GALNTL6: variants seen among roughly 807,000 people sequenced by gnomAD.
The protein encoded by GALNTL6 is polypeptide N-acetylgalactosaminyltransferase-like 6.
GALNTL6 carries 46 observed loss-of-function variants against 73.7 expected under a neutral mutation model. That is an observed-to-expected ratio of 0.62 (90% CI 0.49 to 0.80). The LOEUF (loss-of-function observed/expected upper bound fraction) is 0.80. Among genes scored for constraint, GALNTL6 ranks in the 30% least tolerant of loss-of-function variants. GALNTL6 has a pLI of 0.00. For missense variants in GALNTL6, 604 were observed against 755.0 expected, an observed-to-expected ratio of 0.80 and a Z score of 2.34; for synonymous variants, 259 against 263.7, an observed-to-expected ratio of 0.98 and a Z score of 0.17.
At chr4:172,891,141 C>G (rs1256721015) in intron 8 of GALNTL6, among the ~76,000 whole-genome samples, 2 of 149,578 alleles carry the variant, frequency 1.3e-5, no homozygotes, top group Non-Finnish European at 3.0e-5. Flanking sequence ...TTTAATCCAA[C>G]TTGCCACTCT....
chr4:172,189,412 G>C (rs750383674), intron 2 of GALNTL6, among the ~76,000 whole-genome samples: 10 of 152,072 alleles, frequency 6.6e-5, no homozygotes, highest in Non-Finnish European at 1.5e-4. Flanking sequence ...AGTCCCTTTT[G>C]TATTCTCAGA....
intron 3 of GALNTL6, among the ~76,000 whole-genome samples, chr4:172,278,974 A>T (rs1195617876): frequency 6.6e-6 from 1 of 152,176 alleles, no homozygotes; most frequent in African/African-American, 2.4e-5. Context: ...GGAAAAGGAC[A>T]GTCTTTTTAA....
intron 2 of GALNTL6, among the ~76,000 whole-genome samples, chr4:171,841,023 G>T (rs915586456): frequency 6.6e-6 from 1 of 152,134 alleles, no homozygotes; most frequent in African/African-American, 2.4e-5. Flanking sequence ...AAATTTTGTG[G>T]ATTCTGTTTC....
At chr4:172,087,355 G>A (rs1006887419) in intron 2 of GALNTL6, among the ~76,000 whole-genome samples, 3 of 150,570 alleles carry the variant, frequency 2.0e-5, no homozygotes, top group African/African-American at 7.3e-5. Flanking sequence ...TGAGGCAGGA[G>A]AATGGCGTGA....
chr4:172,665,097 C>G (rs929145917), intron 5 of GALNTL6, among the ~76,000 whole-genome samples: 1 of 152,148 alleles, frequency 6.6e-6, no homozygotes, highest in African/African-American at 2.4e-5. Flanking sequence ...AGCTCTCATC[C>G]CAGAATAACA....
intron 2 of GALNTL6, among the ~76,000 whole-genome samples, chr4:172,217,663 C>A (rs1579266874): frequency 6.6e-6 from 1 of 152,220 alleles, no homozygotes; most frequent in East Asian, 1.9e-4. Context: ...TCCATCTTTT[C>A]TAGCTATGTC....
chr4:172,373,527 T>C (rs896904001), intron 5 of GALNTL6, among the ~76,000 whole-genome samples: 1 of 152,216 alleles, frequency 6.6e-6, no homozygotes, highest in Non-Finnish European at 1.5e-5. Flanking sequence ...TTTATGAGCT[T>C]CAGGCCTTAA....
intron 2 of GALNTL6, among the ~76,000 whole-genome samples, chr4:171,987,060 G>T (rs1042848822): frequency 1.3e-5 from 2 of 152,048 alleles, no homozygotes; most frequent in African/African-American, 2.4e-5. Context: ...AGTCTAAGTT[G>T]TTCTGGTGTC....
chr4:172,978,775 G>A (rs1479581371), intron 10 of GALNTL6, among the ~76,000 whole-genome samples: 1 of 152,200 alleles, frequency 6.6e-6, no homozygotes, highest in Non-Finnish European at 1.5e-5. Context: ...AATATGCAAT[G>A]TTGTGGCAAA....
intron 9 of GALNTL6, among the ~76,000 whole-genome samples, chr4:172,946,034 C>A (rs577695666): frequency 2.0e-5 from 3 of 152,082 alleles, no homozygotes; most frequent in East Asian, 3.9e-4. Flanking sequence ...TATGGATACA[C>A]CTCCTTGCTG....
intron 5 of GALNTL6, among the ~76,000 whole-genome samples, chr4:172,561,255 G>A (rs1470879687): frequency 1.4e-5 from 1 of 72,134 alleles, no homozygotes; most frequent in African/African-American, 4.6e-5. Context: ...GAGAGACTCC[G>A]TCTCAAAAAA....
intron 9 of GALNTL6, among the ~76,000 whole-genome samples, chr4:172,946,275 T>C (rs1208193326): frequency 6.6e-6 from 1 of 152,024 alleles, no homozygotes; most frequent in Non-Finnish European, 1.5e-5. Flanking sequence ...CACAAAGAAA[T>C]AGAAACACTC....
At chr4:171,962,632 G>C (rs1057047069) in intron 2 of GALNTL6, among the ~76,000 whole-genome samples, 1 of 152,042 alleles carries the variant, frequency 6.6e-6, no homozygotes, top group Admixed American at 6.6e-5. Flanking sequence ...GAAAACTCAT[G>C]AATAATCCAC....
chr4:172,179,576 G>A (rs376401836), intron 2 of GALNTL6, among the ~76,000 whole-genome samples: 1 of 142,376 alleles, frequency 7.0e-6, no homozygotes, highest in South Asian at 2.1e-4. Context: ...AGATGAGTAG[G>A]TTGCAAAAAT....
chr4:172,198,904 C>CTAAATA (rs1735867473), intron 2 of GALNTL6, among the ~76,000 whole-genome samples: 2 of 151,788 alleles, frequency 1.3e-5, no homozygotes, highest in Admixed American at 1.3e-4. Flanking sequence ...CTATTTAGTA[C>CTAAATA]TTCACTTCTC....
intron 5 of GALNTL6, among the ~76,000 whole-genome samples, chr4:172,467,744 C>CTT (rs1732875204): frequency 6.6e-6 from 1 of 152,162 alleles, no homozygotes; most frequent in Non-Finnish European, 1.5e-5. Context: ...GCCATCCTTG[C>CTT]AATCAGCTTA....
rs184008883 is a variant in GALNTL6, at chr4:172,628,696, T to G, written c.554-180665T>G. On this transcript the variant is annotated intron_variant, in intron 5 of 12. Transcript: ENST00000506823. Reference sequence around the variant, plus strand: ...AGTGTCTCTCTGTGAATGCCATTATTCAAGGGCTCACAATTGATATTGTTC... The same window carrying G: ...AGTGTCTCTCTGTGAATGCCATTATGCAAGGGCTCACAATTGATATTGTTC... Among the ~76,000 whole-genome samples the G allele has an allele frequency of 6.8e-4, 104 of 152,270 alleles. 1 individual carries two copies. Among genetic ancestry groups the G allele is most frequent in the Admixed American group, 4.6e-3 (71 of 15,284 alleles).
At chr4:171,954,386 C>T (rs1320239760) in intron 2 of GALNTL6, among the ~76,000 whole-genome samples, 2 of 152,072 alleles carry the variant, frequency 1.3e-5, no homozygotes, top group East Asian at 3.9e-4. Context: ...TGAGGACTAG[C>T]TTGTGTTGTA....
chr4:172,659,636 T>C (rs887065687), intron 5 of GALNTL6, among the ~76,000 whole-genome samples: 1 of 152,326 alleles, frequency 6.6e-6, no homozygotes, highest in South Asian at 2.1e-4. Context: ...ATGTGCCTAA[T>C]TGGATAGGCC....
Sources: allele counts gnomAD v4.1 joint callset (sites outside exome capture counted in the v4.1 genomes callset), GRCh38; gene constraint gnomAD v4.1.1; transcripts MANE v1.5; gene names NCBI Gene and HGNC (gene_info 2026-07-23, HGNC 2026-07-21).